The following ASIC2 variants were observed in gnomAD, a reference collection of about 807,000 sequenced individuals.
ASIC2 encodes acid-sensing ion channel 2.
ASIC2 carries 25 observed loss-of-function variants against 57.3 expected under a neutral mutation model. The observed-to-expected ratio is 0.44, with a 90% CI of 0.32 to 0.61. The LOEUF (loss-of-function observed/expected upper bound fraction) is 0.61. Among genes scored for constraint, ASIC2 ranks in the 20% least tolerant of loss-of-function variants. The probability of loss-of-function intolerance (pLI) is 0.06; values close to 1 mark genes in which losing one functional copy is unlikely to be tolerated. For synonymous variants in ASIC2, 319 were observed against 307.5 expected (o/e 1.04, Z -0.39); for missense variants, 641 against 738.1 (o/e 0.87, Z 1.52).
intron 1 of ASIC2, among the ~76,000 whole-genome samples, chr17:34,147,264 G>A (rs1043367561): frequency 1.5e-4 from 23 of 152,130 alleles, no homozygotes; most frequent in Admixed American, 9.8e-4. Flanking sequence ...GCCCATTGAG[G>A]CTTATTACCT....
chr17:33,714,092 G>A (rs1337782025), intron 1 of ASIC2, among the ~76,000 whole-genome samples: 3 of 152,042 alleles, frequency 2.0e-5, no homozygotes. Flanking sequence ...CTGGATGGGT[G>A]CATGTTGTTT....
chr17:34,065,432 C>T (rs1276030361), intron 1 of ASIC2, among the ~76,000 whole-genome samples: 3 of 151,932 alleles, frequency 2.0e-5, no homozygotes, highest in Non-Finnish European at 4.4e-5. Context: ...GATATGTGCA[C>T]CAAAATCTCA....
intron 1 of ASIC2, chr17:33,792,145 T>A (rs1911792718): frequency 6.6e-6 from 1 of 152,218 alleles, no homozygotes. Flanking sequence ...CTGTCACTAC[T>A]ATTATTCCCA....
intron 3 of ASIC2, among the ~76,000 whole-genome samples, chr17:33,087,978 C>T (rs1257138323): frequency 2.0e-5 from 3 of 152,270 alleles, no homozygotes; most frequent in African/African-American, 2.4e-5. Context: ...TCATCCATTA[C>T]GTGCATGTAT....
chr17:34,144,014 G>A (rs1032279694), intron 1 of ASIC2, among the ~76,000 whole-genome samples: 2 of 152,058 alleles, frequency 1.3e-5, no homozygotes, highest in African/African-American at 4.8e-5. Context: ...GGATCAAATA[G>A]CATCTTAGAA....
At chr17:33,289,434 G>A (rs1905327682) in intron 1 of ASIC2, among the ~76,000 whole-genome samples, 1 of 152,142 alleles carries the variant, frequency 6.6e-6, no homozygotes, top group Admixed American at 6.5e-5. Context: ...CTGATGACCT[G>A]GGCCACATGG....
intron 1 of ASIC2, among the ~76,000 whole-genome samples, chr17:33,442,450 A>C (rs924827243): frequency 6.6e-6 from 1 of 152,110 alleles, no homozygotes; most frequent in Admixed American, 6.5e-5. Flanking sequence ...GCAATGTTTT[A>C]TAGTTTTCAG....
intron 1 of ASIC2, among the ~76,000 whole-genome samples, chr17:33,206,483 G>A (rs530409435): frequency 6.6e-6 from 1 of 152,196 alleles, no homozygotes; most frequent in Non-Finnish European, 1.5e-5. Context: ...GTCAACCCAA[G>A]GTCAAGCCAA....
At chr17:33,996,042 T>G (rs1906149500) in intron 1 of ASIC2, among the ~76,000 whole-genome samples, 1 of 152,214 alleles carries the variant, frequency 6.6e-6, no homozygotes, top group African/African-American at 2.4e-5. Flanking sequence ...ATATCCATTT[T>G]AACAGGTATG....
Position 33,261,714 on chromosome 17 carries a change from A to G in ASIC2, c.708+29694T>C, listed in dbSNP as rs1909286897. On this transcript the variant is annotated intron_variant, in intron 1 of 9. Transcript: ENST00000225823. ...ATATGAGCCACACAACAGAGGAGGAAACTGAGGCACAGATAAGTGACTTGC... is the reference window on the plus strand; with the variant it reads ...ATATGAGCCACACAACAGAGGAGGAGACTGAGGCACAGATAAGTGACTTGC... Among the ~76,000 whole-genome samples the G allele has an allele frequency of 2.0e-5, 3 of 152,312 alleles. No homozygotes were observed. In the South Asian group the frequency reaches 6.2e-4, roughly 32 times the overall value.
At chr17:33,886,726 T>G (rs1377888724) in intron 1 of ASIC2, among the ~76,000 whole-genome samples, 4 of 147,952 alleles carry the variant, frequency 2.7e-5, no homozygotes, top group African/African-American at 1.0e-4. Context: ...TTAGAATACA[T>G]CAGTCTTTCT....
upstream of ASIC2, among the ~76,000 whole-genome samples, chr17:33,297,866 A>T (rs1007730366): frequency 1.5e-5 from 2 of 135,546 alleles, no homozygotes; most frequent in Non-Finnish European, 3.2e-5. Context: ...AAATAAATAA[A>T]TAATAAAGTT....
At chr17:34,050,076 A>T (rs1256415083) in intron 1 of ASIC2, among the ~76,000 whole-genome samples, 1 of 152,182 alleles carries the variant, frequency 6.6e-6, no homozygotes, top group Admixed American at 6.5e-5. Context: ...TTGCATAACA[A>T]TATTATACTC....
At chr17:34,009,427 A>G (rs947540219) in intron 1 of ASIC2, among the ~76,000 whole-genome samples, 3 of 152,244 alleles carry the variant, frequency 2.0e-5, no homozygotes, top group African/African-American at 7.2e-5. Flanking sequence ...CAGAGTCCTG[A>G]AGACTTAGCT....
chr17:34,035,062 C>G (rs1907812592), intron 1 of ASIC2, among the ~76,000 whole-genome samples: 1 of 150,908 alleles, frequency 6.6e-6, no homozygotes, highest in South Asian at 2.1e-4. Flanking sequence ...CAAGTCAATC[C>G]TAAGCCAAAA....
At chr17:33,864,383 A>T (rs1324128079) in intron 1 of ASIC2, among the ~76,000 whole-genome samples, 3 of 152,194 alleles carry the variant, frequency 2.0e-5, no homozygotes, top group African/African-American at 7.2e-5. Flanking sequence ...GAAATTACCT[A>T]ACATGTGGGA....
intron 1 of ASIC2, among the ~76,000 whole-genome samples, chr17:33,236,048 G>T (rs1003320104): frequency 4.6e-5 from 7 of 152,208 alleles, no homozygotes; most frequent in African/African-American, 1.7e-4. Flanking sequence ...CGTTGGCCAG[G>T]ATGGTCTTGA....
chr17:33,484,879 C>A (rs1316653144), intron 1 of ASIC2, among the ~76,000 whole-genome samples: 1 of 152,214 alleles, frequency 6.6e-6, no homozygotes, highest in Non-Finnish European at 1.5e-5. Context: ...ATAATACACC[C>A]CTACGTGTAA....
intron 1 of ASIC2, among the ~76,000 whole-genome samples, chr17:33,676,400 C>A (rs1230640970): frequency 6.6e-6 from 1 of 152,176 alleles, no homozygotes; most frequent in African/African-American, 2.4e-5. Context: ...ACTAAATAGC[C>A]AAATTGTGAA....
Sources: gnomAD v4.1 joint callset for allele counts (sites outside exome capture counted in the v4.1 genomes callset) on GRCh38, gnomAD v4.1.1 for gene constraint, MANE v1.5 for transcripts, NCBI Gene and HGNC (gene_info 2026-07-23, HGNC 2026-07-21) for gene names.